The following A1CF variants were observed in gnomAD, a reference collection of about 807,000 sequenced individuals.
A1CF encodes the protein APOBEC-1 stimulating protein.
In A1CF, 48 loss-of-function variants were observed where a neutral mutation model predicts 68.9. That is an observed-to-expected ratio of 0.70 (90% CI 0.55 to 0.89). A1CF has a LOEUF of 0.89. Ranked by LOEUF, A1CF falls within the 40% of genes least tolerant of loss-of-function variation. A1CF has a pLI of 0.00. For synonymous variants in A1CF, 272 were observed against 260.4 expected (o/e 1.04, Z -0.43); for missense variants, 653 against 718.9 (o/e 0.91, Z 1.05).
intron 6 of A1CF, among the ~76,000 whole-genome samples, chr10:50,829,462 C>T (rs1373709042): frequency 1.3e-5 from 2 of 152,120 alleles, no homozygotes; most frequent in Non-Finnish European, 2.9e-5. Context: ...AATTACTACA[C>T]ATAGGAAGCA....
chr10:50,806,907 A>G, intron 12 of A1CF, 27 bp from the exon 13 acceptor site: 3 of 1,591,570 alleles, frequency 1.9e-6, no homozygotes, highest in South Asian at 2.3e-5. Context: ...AGAAAACTTG[A>G]TGAAAGGAAT....
intron 1 of A1CF, among the ~76,000 whole-genome samples, chr10:50,865,780 A>G (rs1368072095): frequency 6.6e-6 from 1 of 152,198 alleles, no homozygotes; most frequent in South Asian, 2.1e-4. Flanking sequence ...TTTCTTTGAC[A>G]ACCTCTGTAG....
At chr10:50,831,883 G>A (rs1253150913) in intron 6 of A1CF, among the ~76,000 whole-genome samples, 1 of 151,946 alleles carries the variant, frequency 6.6e-6, no homozygotes, top group Non-Finnish European at 1.5e-5. Context: ...CCTCACACCT[G>A]GTAGAATGGC....
chr10:50,841,136 G>A (rs549121038), intron 5 of A1CF, among the ~76,000 whole-genome samples: 1 of 152,218 alleles, frequency 6.6e-6, no homozygotes, highest in South Asian at 2.1e-4. Context: ...AACTATAAAT[G>A]TAATCAAAAC....
chr10:50,872,818 CAG>C (rs1841333232), intron 1 of A1CF, among the ~76,000 whole-genome samples: 1 of 152,000 alleles, frequency 6.6e-6, no homozygotes, highest in South Asian at 2.1e-4. Flanking sequence ...GTCTGCTATG[CAG>C]AGTCATATCT....
intron 7 of A1CF, among the ~76,000 whole-genome samples, chr10:50,827,428 A>T (rs953780284): frequency 4.6e-5 from 7 of 152,160 alleles, no homozygotes; most frequent in Non-Finnish European, 1.0e-4. Context: ...ATTATAACAA[A>T]CTGTCTCTCA....
intron 3 of A1CF, among the ~76,000 whole-genome samples, chr10:50,845,917 G>T (rs1474945844): frequency 3.4e-5 from 5 of 148,080 alleles, no homozygotes; most frequent in Non-Finnish European, 7.4e-5. Context: ...TGTTGTCACT[G>T]CACTCCCACC....
chr10:50,820,690 G>A (rs1261048243), intron 7 of A1CF, 41 bp from the exon 8 acceptor site: 1 of 1,545,480 alleles, frequency 6.5e-7, no homozygotes. Context: ...ACAAAATTAA[G>A]AGAGCCTTGA....
chr10:50,836,909 G>A (rs1839527600), intron 5 of A1CF, among the ~76,000 whole-genome samples: 1 of 151,812 alleles, frequency 6.6e-6, no homozygotes, highest in Non-Finnish European at 1.5e-5. Context: ...CTTTCTTTAG[G>A]CTAGATGTGG....
At chr10:50,881,459 T>C (rs1841771204) in intron 1 of A1CF, among the ~76,000 whole-genome samples, 1 of 152,190 alleles carries the variant, frequency 6.6e-6, no homozygotes, top group Non-Finnish European at 1.5e-5. Flanking sequence ...TTGAAGAAAC[T>C]AGGCATACTG....
intron 3 of A1CF, chr10:50,850,658 T>C (rs1301193452): frequency 6.2e-7 from 1 of 1,613,966 alleles, no homozygotes; most frequent in Non-Finnish European, 8.5e-7. Context: ...TAAGACCCTC[T>C]GCTTACCTTT....
chr10:50,827,692 T>C (rs1554815226), intron 7 of A1CF, among the ~76,000 whole-genome samples: 1 of 152,084 alleles, frequency 6.6e-6, no homozygotes, highest in Non-Finnish European at 1.5e-5. Context: ...GCAGGAAAGA[T>C]CTAAAATTGA....
At chr10:50,824,560 T>C (rs1838830155) in intron 7 of A1CF, 1 of 152,056 alleles carries the variant, frequency 6.6e-6, no homozygotes, top group Non-Finnish European at 1.5e-5. Context: ...ACTCCAAGAG[T>C]AGTCTGTCAA....
chr10:50,822,696 A>G (rs904130268), intron 7 of A1CF: 3 of 152,232 alleles, frequency 2.0e-5, no homozygotes, highest in Non-Finnish European at 4.4e-5. Context: ...ACCATGAAGC[A>G]TGAGACATAT....
intron 1 of A1CF, among the ~76,000 whole-genome samples, chr10:50,865,240 C>G (rs1402773067): frequency 1.3e-5 from 2 of 151,892 alleles, no homozygotes; most frequent in African/African-American, 2.4e-5. Context: ...GCCTGGGTGA[C>G]AGAATGAGAC....
chr10:50,839,524 C>T (rs752798621), intron 5 of A1CF, among the ~76,000 whole-genome samples: 11 of 152,192 alleles, frequency 7.2e-5, no homozygotes, highest in Non-Finnish European at 1.2e-4. Context: ...TTAAAGCATT[C>T]GTCCAAAGGA....
At chr10:50,857,518 A>G (rs1840540061) in intron 3 of A1CF, among the ~76,000 whole-genome samples, 1 of 152,182 alleles carries the variant, frequency 6.6e-6, no homozygotes, top group Non-Finnish European at 1.5e-5. Context: ...TGGAATTTGC[A>G]CAAAGATATT....
chr10:50,826,297 T>C (rs1838931082), intron 7 of A1CF, among the ~76,000 whole-genome samples: 1 of 152,096 alleles, frequency 6.6e-6, no homozygotes, highest in South Asian at 2.1e-4. Context: ...CATGGCTTGA[T>C]TTTCTAATCC....
intron 2 of A1CF, among the ~76,000 whole-genome samples, chr10:50,860,996 C>G (rs1840719416): frequency 6.6e-6 from 1 of 152,146 alleles, no homozygotes; most frequent in African/African-American, 2.4e-5. Flanking sequence ...TTACAATGAT[C>G]TGAATCAAAT....
Sources: gnomAD v4.1 joint callset for allele counts (sites outside exome capture counted in the v4.1 genomes callset) on GRCh38, gnomAD v4.1.1 for gene constraint, MANE v1.5 for transcripts, NCBI Gene and HGNC (gene_info 2026-07-23, HGNC 2026-07-21) for gene names.